The following ATP2B2 variants were observed in gnomAD, a reference collection of about 807,000 sequenced individuals.
The protein encoded by ATP2B2 is plasma membrane calcium-transporting ATPase 2.
A neutral mutation model predicts 120.0 loss-of-function variants in ATP2B2; 15 were observed. That is an observed-to-expected ratio of 0.12 (90% CI 0.08 to 0.19). ATP2B2 has a LOEUF of 0.19. ATP2B2 is among the 10% of genes least tolerant of loss of function. The pLI is 1.00. For synonymous variants in ATP2B2, 694 were observed against 700.3 expected (o/e 0.99, Z 0.14); for missense variants, 1,045 against 1,719.8 (o/e 0.61, Z 6.94).
chr3:10,488,247 A>C (rs1472982921), intron 1 of ATP2B2, among the ~76,000 whole-genome samples: 1 of 127,592 alleles, frequency 7.8e-6, no homozygotes, highest in African/African-American at 2.9e-5. Context: ...CCATCCATCC[A>C]TCCATCCATC....
chr3:10,458,621 T>A lies in ATP2B2; in HGVS notation c.-319-8759A>T, dbSNP rs575493769. Reference sequence around the variant, plus strand: ...ACAGCAGGAATCAGATCCACTCAGTTTTGATCTTGGTGTGATGACTATGAT... The same window carrying A: ...ACAGCAGGAATCAGATCCACTCAGTATTGATCTTGGTGTGATGACTATGAT... On this transcript the variant is annotated intron_variant, in intron 1 of 22. Transcript: ENST00000360273. Among the ~76,000 whole-genome samples, 15 of 122,884 alleles carry A rather than the reference T, an allele frequency of 1.2e-4. No homozygotes were observed. In the South Asian group the frequency reaches 4.9e-3, roughly 40 times the overall value. The allele number at this position is 122,884 out of a possible 152,430, so 80.6% of individuals were successfully genotyped here.
chr3:10,662,994 G>A (rs1307376649), intron 1 of ATP2B2, among the ~76,000 whole-genome samples: 2 of 147,960 alleles, frequency 1.4e-5, no homozygotes, highest in African/African-American at 5.0e-5. Context: ...TCACAAGGAC[G>A]AAAAACCAAA....
Position 10,495,735 on chromosome 3 carries a change from G to T in ATP2B2, c.-320+9730C>A, listed in dbSNP as rs185176419. ...TTAATTTTATTGCTACTCCCTGAGT[G>T]CAGGAGTGGCCCAGGCCACATACTC... is the stretch of plus-strand genomic sequence containing the variant. On this transcript the variant is annotated intron_variant, in intron 1 of 22. Transcript: ENST00000360273. 2.1e-3 allele frequency among the ~76,000 whole-genome samples: 315 copies of T among 152,324 alleles called. 2 individuals are homozygous for T. Among genetic ancestry groups the T allele is most frequent in the African/African-American group, 7.3e-3 (305 of 41,570 alleles).
In ATP2B2 at chr3:10,635,849, C is replaced by T. The variant is rs569081979; in HGVS notation, c.-459-15888G>A. Reference sequence around the variant, plus strand: ...TCCCTGGCCTTAGCTCAAAGAGATTCCTGCTGGCAAGGGAGGCTGCAGTGG... The same window carrying T: ...TCCCTGGCCTTAGCTCAAAGAGATTTCTGCTGGCAAGGGAGGCTGCAGTGG... On this transcript the variant is annotated intron_variant, in intron 1 of 21. Coordinates refer to the ATP2B2 transcript ENST00000646379. The surrounding 1 kb of genome is among the most constrained non-coding windows in gnomAD (Gnocchi z 4.3). Among the ~76,000 whole-genome samples, 48 of 152,330 alleles carry T rather than the reference C, an allele frequency of 3.2e-4. No homozygotes were observed. Among genetic ancestry groups the T allele is most frequent in the African/African-American group, 1.1e-3 (45 of 41,576 alleles).
chr3:10,503,130 C>T (rs928419834), intron 1 of ATP2B2, among the ~76,000 whole-genome samples: 6 of 152,258 alleles, frequency 3.9e-5, no homozygotes, highest in Admixed American at 2.0e-4. Flanking sequence ...CGGGACAGCA[C>T]AGGAGGGTGC....
chr3:10,452,952 A>G (rs1280749944), intron 1 of ATP2B2, among the ~76,000 whole-genome samples: 2 of 152,164 alleles, frequency 1.3e-5, no homozygotes, highest in Non-Finnish European at 2.9e-5. Flanking sequence ...AGTAGAAATC[A>G]CCTGTGATTC....
At chr3:10,491,212 C>A (rs2065921177) in intron 1 of ATP2B2, among the ~76,000 whole-genome samples, 1 of 150,116 alleles carries the variant, frequency 6.7e-6, no homozygotes, top group Non-Finnish European at 1.5e-5. Flanking sequence ...CATGTGCTGG[C>A]TCCTTCATTC....
At chr3:10,658,652 C>T (rs1306025623) in intron 1 of ATP2B2, among the ~76,000 whole-genome samples, 1 of 152,016 alleles carries the variant, frequency 6.6e-6, no homozygotes, top group Non-Finnish European at 1.5e-5. Context: ...AGAATGGAAC[C>T]AAGTTGGAAA....
At chr3:10,623,389 A>G (rs1285134399) in intron 1 of ATP2B2, among the ~76,000 whole-genome samples, 2 of 152,168 alleles carry the variant, frequency 1.3e-5, no homozygotes, top group Non-Finnish European at 2.9e-5. Flanking sequence ...CAACCAAACA[A>G]GGAAGAATAA....
intron 10 of ATP2B2, among the ~76,000 whole-genome samples, chr3:10,377,077 T>C (rs909063636): frequency 9.2e-5 from 14 of 152,160 alleles, no homozygotes; most frequent in Admixed American, 7.2e-4. Flanking sequence ...AGTGCTTGAC[T>C]GTGAACTCCA....
At chr3:10,359,755 C>G (rs190281309) in intron 13 of ATP2B2, 127 bp downstream of exon 13, 4 of 1,382,596 alleles carry the variant, frequency 2.9e-6, no homozygotes, top group South Asian at 2.5e-5. Flanking sequence ...GGGTGCTAGA[C>G]GGCCACTCCA....
At chr3:10,452,811 C>G (rs1010434459) in intron 1 of ATP2B2, among the ~76,000 whole-genome samples, 2 of 152,160 alleles carry the variant, frequency 1.3e-5, no homozygotes, top group Non-Finnish European at 2.9e-5. Context: ...GACCTTCTGT[C>G]CAGAAGGAAC....
Position 10,470,188 on chromosome 3 carries a change from C to T in ATP2B2, c.-319-20326G>A, listed in dbSNP as rs548664015. 1.2e-4 allele frequency among the ~76,000 whole-genome samples: 18 copies of T among 152,222 alleles called. No individual in the cohort carries two copies. In the South Asian group the frequency reaches 2.9e-3, roughly 25 times the overall value. ...GGAGGTTGAAATAGAAATAGCAGTT[C>T]GGAAAGTGACAACAATGACAAGTAT... On this transcript the variant is annotated intron_variant, in intron 1 of 22. Transcript: ENST00000360273.
chr3:10,563,551 G>A (rs544715265), intron 2 of ATP2B2, among the ~76,000 whole-genome samples: 1 of 152,326 alleles, frequency 6.6e-6, no homozygotes, highest in African/African-American at 2.4e-5. Flanking sequence ...CACCTGGAGG[G>A]TGGGGAAGCC....
chr3:10,483,989 G>A (rs1205097312), intron 1 of ATP2B2, among the ~76,000 whole-genome samples: 2 of 152,206 alleles, frequency 1.3e-5, no homozygotes, highest in African/African-American at 4.8e-5. Flanking sequence ...GCCCCCTGGG[G>A]AGTGAGTCAC....
chr3:10,480,702 C>T (rs1036916475), intron 1 of ATP2B2, among the ~76,000 whole-genome samples: 1 of 152,226 alleles, frequency 6.6e-6, no homozygotes, highest in Non-Finnish European at 1.5e-5. Context: ...CTTGTTCTCG[C>T]CATTTCCCCT....
At chr3:10,476,057 A>T (rs144700763) in intron 1 of ATP2B2, among the ~76,000 whole-genome samples, 115 of 152,108 alleles carry the variant, frequency 7.6e-4, no homozygotes, top group African/African-American at 2.6e-3. Flanking sequence ...AGGTCCAGTT[A>T]CTCCTTTAGG....
chr3:10,531,931 C>T (rs4564963), intron 3 of ATP2B2, among the ~76,000 whole-genome samples: 1 of 151,618 alleles, frequency 6.6e-6, no homozygotes, highest in Non-Finnish European at 1.5e-5. Context: ...TCTGAGGCTA[C>T]AAGTTCATCA....
intron 1 of ATP2B2, among the ~76,000 whole-genome samples, chr3:10,663,385 G>A (rs1240144564): frequency 6.6e-6 from 1 of 152,104 alleles, no homozygotes; most frequent in African/African-American, 2.4e-5. Context: ...CCAGGGACAG[G>A]GGAAAAACAG....
Sources: gnomAD v4.1 joint callset for allele counts (sites outside exome capture counted in the v4.1 genomes callset) on GRCh38, gnomAD v4.1.1 for gene constraint, Gnocchi (gnomAD v3.1) non-coding constraint, MANE v1.5 for transcripts, NCBI Gene and HGNC (gene_info 2026-07-23, HGNC 2026-07-21) for gene names.